HECW1: variants seen among roughly 807,000 people sequenced by gnomAD.
The protein encoded by HECW1 is E3 ubiquitin-protein ligase HECW1.
In HECW1, 61 loss-of-function variants were observed where a neutral mutation model predicts 182.3. The ratio of observed to expected loss-of-function variants is 0.33; its 90% CI spans 0.27 to 0.41. The LOEUF (loss-of-function observed/expected upper bound fraction) is 0.41, where lower values mean the gene tolerates loss of function less well. Ranked by LOEUF, HECW1 falls within the 10% of genes least tolerant of loss-of-function variation. The pLI is 1.00. For missense variants in HECW1, 1,739 were observed against 2,108.9 expected (o/e 0.82, Z 3.44); for synonymous variants, 859 against 832.6 (o/e 1.03, Z -0.55).
intron 5 of HECW1, among the ~76,000 whole-genome samples, chr7:43,358,288 G>T (rs1227224783): frequency 6.6e-6 from 1 of 152,158 alleles, no homozygotes; most frequent in African/African-American, 2.4e-5. Flanking sequence ...TGACTTATGG[G>T]AAACTTGCCT....
chr7:43,252,899 C>T (rs1473415253), intron 3 of HECW1, among the ~76,000 whole-genome samples: 1 of 152,118 alleles, frequency 6.6e-6, no homozygotes, highest in Non-Finnish European at 1.5e-5. Context: ...CACTGTTAAC[C>T]ACCAATCGAA....
intron 8 of HECW1, among the ~76,000 whole-genome samples, chr7:43,424,808 G>C (rs77430393): frequency 6.6e-6 from 1 of 151,924 alleles, no homozygotes; most frequent in African/African-American, 2.4e-5. Context: ...TCACTATACT[G>C]ATACCATGAT....
chr7:43,394,278 T>C (rs1584753584), intron 6 of HECW1, among the ~76,000 whole-genome samples: 1 of 152,306 alleles, frequency 6.6e-6, no homozygotes, highest in East Asian at 1.9e-4. Context: ...TCTGAACTGA[T>C]GGCTGATCTC....
At chr7:43,212,181 A>G (rs1345392521) in intron 2 of HECW1, among the ~76,000 whole-genome samples, 6 of 152,210 alleles carry the variant, frequency 3.9e-5, no homozygotes, top group Non-Finnish European at 7.3e-5. Context: ...TTCCTGAACT[A>G]TCAACATTTT....
At chr7:43,344,985 G>A (rs1813491032) in intron 5 of HECW1, among the ~76,000 whole-genome samples, 1 of 152,104 alleles carries the variant, frequency 6.6e-6, no homozygotes, top group African/African-American at 2.4e-5. Flanking sequence ...AATTTAGAAA[G>A]GGGACTTTAT....
chr7:43,221,304 G>A (rs1796921105), intron 2 of HECW1, among the ~76,000 whole-genome samples: 1 of 152,028 alleles, frequency 6.6e-6, no homozygotes. Context: ...AGATCCTGTG[G>A]TTTCTGACAC....
intron 3 of HECW1, among the ~76,000 whole-genome samples, chr7:43,252,021 T>C (rs1800089696): frequency 6.6e-6 from 1 of 152,140 alleles, no homozygotes; most frequent in African/African-American, 2.4e-5. Context: ...AGTATCCTCC[T>C]CCTGTTTCTG....
intron 24 of HECW1, among the ~76,000 whole-genome samples, chr7:43,518,338 A>G (rs2152936009): frequency 6.6e-6 from 1 of 152,198 alleles, no homozygotes; most frequent in Non-Finnish European, 1.5e-5. Context: ...CTACTAAAAA[A>G]TACAAAAATT....
Position 43,445,024 on chromosome 7 carries a change from G to A in HECW1, c.1852G>A (p.Glu618Lys). The part of the protein sequence containing the change: ...ADPSALEEDR[E>K]EPEGATPGTA... ...CCCGTCTGCCCTGGAAGAGGACAGA[G>A]AAGAGCCCGAGGGGGCTACTCCAGG... The change falls in exon 11 of 30, where the codon GAA (glutamate) becomes AAA (lysine). Residue 618 changes from glutamate (E) to lysine (K), a missense_variant. This residue lies in a region of HECW1 where 971 missense variants were observed against 1,029.1 expected (regional missense o/e 0.94). Coordinates refer to ENST00000395891, the MANE Select transcript of HECW1 (RefSeq NM_015052.5). 1.9e-6 allele frequency: 3 copies of A among 1,563,162 alleles called. No homozygotes were observed. Among genetic ancestry groups the A allele is most frequent in the African/African-American group, 2.7e-5 (2 of 73,920 alleles).
At chr7:43,388,620 G>T (rs2074896139) in intron 6 of HECW1, among the ~76,000 whole-genome samples, 1 of 152,148 alleles carries the variant, frequency 6.6e-6, no homozygotes, top group Admixed American at 6.5e-5. Flanking sequence ...TGTTACTGCT[G>T]GATATTCTGG....
At chr7:43,231,212 C>T (rs1427039806) in intron 2 of HECW1, among the ~76,000 whole-genome samples, 1 of 152,200 alleles carries the variant, frequency 6.6e-6, no homozygotes, top group South Asian at 2.1e-4. Flanking sequence ...TGAACTGGGG[C>T]TTCTCTACCT....
chr7:43,516,303 G>A (rs2080146156), intron 24 of HECW1, among the ~76,000 whole-genome samples: 1 of 152,078 alleles, frequency 6.6e-6, no homozygotes, highest in African/African-American at 2.4e-5. Context: ...ACAGATAGAC[G>A]GATGGTTGAG....
intron 11 of HECW1, among the ~76,000 whole-genome samples, chr7:43,448,161 A>T (rs1426523116): frequency 6.6e-6 from 1 of 152,116 alleles, no homozygotes; most frequent in Non-Finnish European, 1.5e-5. Flanking sequence ...GAGAAAAAAA[A>T]ACTGCATTAG....
chr7:43,271,464 G>A (rs2152741153), intron 3 of HECW1, among the ~76,000 whole-genome samples: 1 of 152,268 alleles, frequency 6.6e-6, no homozygotes, highest in Admixed American at 6.5e-5. Flanking sequence ...AAACCCTAAG[G>A]ACTCTGTCAA....
At position 43,237,078 on chromosome 7, in the gene HECW1, G is replaced by A. The variant is rs36145761; in HGVS notation, c.-31-6797G>A. Reference sequence around the variant, plus strand: ...AAAACTAGGGAGGAGAAGGAGGGAGGGAGGGAGGAAGCAGGGATGGGAGGG... The same window carrying A: ...AAAACTAGGGAGGAGAAGGAGGGAGAGAGGGAGGAAGCAGGGATGGGAGGG... On this transcript the variant is annotated intron_variant, in intron 2 of 29. Coordinates refer to ENST00000395891, the MANE Select transcript of HECW1 (RefSeq NM_015052.5). Among the ~76,000 whole-genome samples the A allele has an allele frequency of 2.1e-4, 32 of 150,326 alleles. 1 individual carries two copies. The highest frequency in any genetic ancestry group is 7.8e-4 in the African/African-American group (32 of 41,034).
At chr7:43,406,416 C>T (rs930891237) in intron 7 of HECW1, among the ~76,000 whole-genome samples, 1 of 152,112 alleles carries the variant, frequency 6.6e-6, no homozygotes, top group Non-Finnish European at 1.5e-5. Flanking sequence ...AGGGGATAAC[C>T]TTGGATCAAC....
At chr7:43,259,137 A>G (rs1011841913) in intron 3 of HECW1, among the ~76,000 whole-genome samples, 1 of 152,192 alleles carries the variant, frequency 6.6e-6, no homozygotes, top group East Asian at 1.9e-4. Flanking sequence ...CTGTAATTCC[A>G]GCACCTTGGG....
intron 2 of HECW1, among the ~76,000 whole-genome samples, chr7:43,220,828 G>A (rs1331712469): frequency 6.6e-6 from 1 of 152,236 alleles, no homozygotes; most frequent in Non-Finnish European, 1.5e-5. Context: ...GGAGAGAAGG[G>A]AGACCAGTTT....
rs558422091 is a variant in HECW1 at position 43,405,152 on chromosome 7, G to C, written c.632-2410G>C. On this transcript the variant is annotated intron_variant, in intron 7 of 29. Coordinates refer to ENST00000395891, the MANE Select transcript of HECW1 (RefSeq NM_015052.5). ...TGTGTTCAGGATTAAATCAGAAAAT[G>C]TATTTTAAGTGCTTAGAATGGTTCC... is the stretch of plus-strand genomic sequence containing the variant. Among the ~76,000 whole-genome samples, 26 of 152,296 alleles carry C rather than the reference G, an allele frequency of 1.7e-4. 1 individual carries two copies. The South Asian group carries it at 5.2e-3, about 30-fold the overall frequency.
Sources: allele counts gnomAD v4.1 joint callset (sites outside exome capture counted in the v4.1 genomes callset), GRCh38; gene constraint gnomAD v4.1.1; regional missense constraint gnomAD v4.1.1; transcripts MANE v1.5; gene names NCBI Gene and HGNC (gene_info 2026-07-23, HGNC 2026-07-21).